MREG: variants seen among roughly 807,000 people sequenced by gnomAD.
MREG encodes the protein melanoregulin, also known as dilute suppressor protein homolog.
Under a neutral mutation model 28.5 loss-of-function variants are expected in MREG, and 31 were observed. The observed-to-expected ratio is 1.09, with a 90% CI of 0.82 to 1.47. The LOEUF (loss-of-function observed/expected upper bound fraction) is 1.47. Among genes scored for constraint, MREG ranks in the 40% most tolerant of loss-of-function variants. The pLI, the probability that MREG is intolerant of heterozygous loss-of-function variation, is 0.00. For synonymous variants in MREG, 106 were observed against 95.2 expected, an observed-to-expected ratio of 1.11 and a Z score of -0.66; for missense variants, 256 against 257.4, an observed-to-expected ratio of 0.99 and a Z score of 0.04.
intron 1 of MREG, among the ~76,000 whole-genome samples, chr2:216,000,707 G>T (rs931440327): frequency 5.3e-5 from 8 of 152,142 alleles, no homozygotes; most frequent in Admixed American, 6.5e-5. Flanking sequence ...CACAGCAGTT[G>T]CCTTAAAAGT....
chr2:216,004,998 G>T (rs115434127), intron 1 of MREG, among the ~76,000 whole-genome samples: 2 of 152,148 alleles, frequency 1.3e-5, no homozygotes, highest in African/African-American at 4.8e-5. Flanking sequence ...GTGCAGAGGC[G>T]CTGAGGCAGG....
chr2:215,984,540 A>AC (rs1372152253), intron 2 of MREG, among the ~76,000 whole-genome samples: 8 of 151,660 alleles, frequency 5.3e-5, no homozygotes, highest in African/African-American at 1.9e-4. Flanking sequence ...AAAAAAAAAA[A>AC]AAAATTAAGG....
Position 216,005,060 on chromosome 2 carries a change from T to C in MREG, c.95+8173A>G, listed in dbSNP as rs369618637. Among the ~76,000 whole-genome samples the C allele has an allele frequency of 2.6e-5, 4 of 152,134 alleles. No individual in the cohort carries two copies. In the South Asian group the frequency reaches 6.2e-4, roughly 24 times the overall value. On this transcript the variant is annotated intron_variant, in intron 1 of 4. Transcript: ENST00000263268. ...AGGGGAAGCCAGTATGACTGAGAGA[T>C]GAATAATTAATTTCACCTTATATGC...
chr2:216,023,614 T>C (rs11683462), intron 1 of MREG, among the ~76,000 whole-genome samples: 35,833 of 152,116 alleles, frequency 0.24, 4,970 homozygotes, highest in East Asian at 0.4. Context: ...TCTTAAATAA[T>C]ATAAGGGAAG....
intron 2 of MREG, among the ~76,000 whole-genome samples, chr2:215,977,911 G>T (rs1164779700): frequency 1.3e-5 from 2 of 152,146 alleles, no homozygotes; most frequent in African/African-American, 4.8e-5. Context: ...AGCACTAAAT[G>T]CCCACAAAAG....
chr2:215,964,868 TAGATAG>T (rs1692896301), intron 2 of MREG, among the ~76,000 whole-genome samples: 1 of 112,632 alleles, frequency 8.9e-6, no homozygotes, highest in African/African-American at 3.4e-5. Context: ...GATAGATAGA[TAGATAG>T]ATAGATAGAC....
At chr2:216,004,219 C>T (rs1694093482) in intron 1 of MREG, among the ~76,000 whole-genome samples, 1 of 152,244 alleles carries the variant, frequency 6.6e-6, no homozygotes, top group Admixed American at 6.5e-5. Context: ...ACACCACCTC[C>T]TCAACAAGGC....
upstream of MREG, among the ~76,000 whole-genome samples, chr2:216,014,865 G>A (rs899301470): frequency 1.3e-5 from 2 of 152,066 alleles, no homozygotes; most frequent in African/African-American, 4.8e-5. Flanking sequence ...CTAAAGTTTT[G>A]TCTTTTCCAG....
chr2:216,011,697 T>C (rs1460853243), intron 1 of MREG, among the ~76,000 whole-genome samples: 1 of 146,404 alleles, frequency 6.8e-6, no homozygotes, highest in Admixed American at 7.1e-5. Flanking sequence ...ATTCACTGGA[T>C]AGAAGCTAAG....
rs778237184 is a variant in MREG at position 215,947,104 on chromosome 2, T to C, written c.265A>G (p.Lys89Glu). ...AGGGTATGGATATCATAGTTGAGCT[T>C]CTGCCACTCCTGCAGGAAAATAAAA... ...QQAKDSEEWQ[K>E]LNYDIHTLRQ... Residue 89 changes from lysine (K) to glutamate (E), a missense_variant, in exon 3 of 5, where the codon AAG becomes GAG. Coordinates refer to ENST00000263268, the MANE Select transcript of MREG (RefSeq NM_018000.3). 6.2e-7 allele frequency: 1 copy of C among 1,611,562 alleles called. No individual in the cohort carries two copies. The highest frequency in any genetic ancestry group is 2.2e-5 in the East Asian group (1 of 44,854).
chr2:216,030,927 T>TTCTCTC (rs113417580), intron 1 of MREG, among the ~76,000 whole-genome samples: 4 of 130,870 alleles, frequency 3.1e-5, no homozygotes, highest in Non-Finnish European at 6.4e-5. Flanking sequence ...ATGAGGCCCA[T>TTCTCTC]TCTCTCTCTC....
At chr2:216,010,650 C>T (rs991227348) in intron 1 of MREG, among the ~76,000 whole-genome samples, 1 of 151,408 alleles carries the variant, frequency 6.6e-6, no homozygotes, top group Admixed American at 6.6e-5. Context: ...AGCCACCGTG[C>T]CCGGCAGATT....
chr2:215,944,678 A>G lies in MREG; in HGVS notation c.*185T>C, dbSNP rs1017992324. ...AATATGAGATCACCAAGGCGTTTCA[A>G]TGCAGCCTGCACAATTCATGGGGCA... On this transcript the variant is annotated 3_prime_UTR_variant, in exon 5 of 5. Coordinates refer to ENST00000263268, the MANE Select transcript of MREG (RefSeq NM_018000.3). The G allele has an allele frequency of 9.6e-5, 48 of 498,886 alleles. No homozygotes were observed. Among genetic ancestry groups the G allele is most frequent in the Admixed American group, 1.4e-4 (4 of 28,062 alleles). The allele number at this position is 498,886 out of a possible 1,614,324, so 30.9% of individuals were successfully genotyped here. A position where few individuals can be genotyped will look rare whatever the true frequency, so the allele number is the denominator to read the frequency against.
chr2:215,999,758 C>T (rs1298373425), intron 1 of MREG, among the ~76,000 whole-genome samples: 5 of 152,124 alleles, frequency 3.3e-5, no homozygotes, highest in Non-Finnish European at 7.3e-5. Context: ...GAGGTACCAG[C>T]GAAGGTGACG....
chr2:216,022,805 A>G (rs573737843), intron 1 of MREG, among the ~76,000 whole-genome samples: 4 of 152,374 alleles, frequency 2.6e-5, no homozygotes, highest in African/African-American at 9.6e-5. Flanking sequence ...AACTCTAAGA[A>G]GCAGAAGCAG....
rs138305367 is a variant in MREG at position 215,955,726 on chromosome 2, A to T, written c.256-8613T>A. Among the ~76,000 whole-genome samples the T allele has an allele frequency of 2.9e-3, 435 of 152,324 alleles. 3 individuals carry two copies. Among genetic ancestry groups the T allele is most frequent in the African/African-American group, 9.9e-3 (411 of 41,582 alleles). ...AATGTATTGACTGCTTCTCCAGTTT[A>T]GTTTTCTGTCATTTTGTAGGTAGTA... On this transcript the variant is annotated intron_variant, in intron 2 of 4. Coordinates refer to ENST00000263268, the MANE Select transcript of MREG (RefSeq NM_018000.3).
chr2:216,023,090 G>A (rs1171921955), intron 1 of MREG, among the ~76,000 whole-genome samples: 1 of 152,060 alleles, frequency 6.6e-6, no homozygotes, highest in Non-Finnish European at 1.5e-5. Flanking sequence ...GAGATACATC[G>A]ACAGGCCAGA....
chr2:215,985,599 A>AT (rs144692991), intron 2 of MREG, among the ~76,000 whole-genome samples: 1,519 of 151,898 alleles, frequency 0.01, 24 homozygotes, highest in African/African-American at 0.035. Flanking sequence ...TTCTATATAT[A>AT]TTTTTTTCCT....
At chr2:215,946,664 T>C (rs186340339) in intron 3 of MREG, among the ~76,000 whole-genome samples, 7 of 152,334 alleles carry the variant, frequency 4.6e-5, no homozygotes, top group African/African-American at 1.7e-4. Flanking sequence ...TCTCCCAACC[T>C]GCTTCATCTT....
Sources: allele counts gnomAD v4.1 joint callset (sites outside exome capture counted in the v4.1 genomes callset), GRCh38; gene constraint gnomAD v4.1.1; transcripts MANE v1.5; gene names NCBI Gene and HGNC (gene_info 2026-07-23, HGNC 2026-07-21).